ADGRV1: variants seen among roughly 807,000 people sequenced by gnomAD.
The protein encoded by ADGRV1 is adhesion G protein-coupled receptor V1, also known as G-protein coupled receptor 98.
ADGRV1 carries 359 observed loss-of-function variants against 596.2 expected under a neutral mutation model. The observed-to-expected ratio is 0.60, with a 90% CI of 0.55 to 0.66. The LOEUF (loss-of-function observed/expected upper bound fraction) is 0.66. ADGRV1 is among the 30% of genes least tolerant of loss of function. ADGRV1 has a pLI of 0.00. For synonymous variants in ADGRV1, 2,681 were observed against 2,679.2 expected (o/e 1.00, Z -0.02); for missense variants, 7,274 against 7,575.6 (o/e 0.96, Z 1.48).
chr5:90,993,555 G>A (rs975955987), intron 85 of ADGRV1, among the ~76,000 whole-genome samples: 1 of 152,020 alleles, frequency 6.6e-6, no homozygotes, highest in Non-Finnish European at 1.5e-5. Context: ...ACACATTTTT[G>A]GCTAGAATGA....
rs369156269 is a variant in ADGRV1, at chr5:90,840,660, C to T, written c.16694C>T (p.Thr5565Ile). 4.3e-6 allele frequency: 7 copies of T among 1,613,972 alleles called. No individual in the cohort carries two copies. The South Asian group carries it at 4.4e-5, about 10-fold the overall frequency. The change falls in exon 78 of 90, where the codon ACA (threonine) becomes ATA (isoleucine). Residue 5565 changes from threonine (T) to isoleucine (I), a missense_variant. Physicochemically the swap from Thr to Ile is moderately conservative, Grantham distance 89. Transcript: ENST00000405460. ...SGKDFVITEG[T>I]LVFEPGQRST... ...AAGGATTTTGTGATAACTGAAGGCA[C>T]ATTGGTCTTTGAACCTGGCCAGAGA...
intron 59 of ADGRV1, among the ~76,000 whole-genome samples, chr5:90,764,084 G>A (rs1756815343): frequency 6.6e-6 from 1 of 152,154 alleles, no homozygotes; most frequent in Non-Finnish European, 1.5e-5. Context: ...CTTGGGGAGT[G>A]ATAAGGGGGT....
chr5:91,068,894 C>G (rs1788127009), intron 85 of ADGRV1, among the ~76,000 whole-genome samples: 1 of 151,646 alleles, frequency 6.6e-6, no homozygotes, highest in African/African-American at 2.4e-5. Context: ...TTAAAATATA[C>G]TAAAAGGCTA....
rs140060028 is a variant in ADGRV1 at position 90,681,282 on chromosome 5, T to C, written c.5525-33T>C. On this transcript the variant is annotated intron_variant, in intron 26 of 89. Coordinates refer to ENST00000405460, the MANE Select transcript of ADGRV1 (RefSeq NM_032119.4). ...ATTTGTAAATTACTGATCATCATTT[T>C]TTTTTTCTATTTGTTGGAACTTGTT... 1.0e-3 allele frequency: 1,625 copies of C among 1,596,406 alleles called. 18 individuals carry two copies. The East Asian group carries it at 0.031, about 30-fold the overall frequency.
At chr5:91,092,182 C>G (rs985567958) in intron 86 of ADGRV1, among the ~76,000 whole-genome samples, 1 of 152,128 alleles carries the variant, frequency 6.6e-6, no homozygotes, top group African/African-American at 2.4e-5. Context: ...CTCACTGCAA[C>G]CTCTGCCTCC....
intron 83 of ADGRV1, among the ~76,000 whole-genome samples, chr5:90,912,049 T>C (rs1368937735): frequency 1.3e-5 from 2 of 152,040 alleles, no homozygotes; most frequent in Non-Finnish European, 2.9e-5. Context: ...GTCAATCTCA[T>C]GGAGTTGTTA....
intron 77 of ADGRV1, among the ~76,000 whole-genome samples, chr5:90,837,210 T>C (rs1765042775): frequency 6.6e-6 from 1 of 152,284 alleles, no homozygotes; most frequent in Non-Finnish European, 1.5e-5. Context: ...TTCAGTTAAA[T>C]AGACCTATAG....
intron 17 of ADGRV1, among the ~76,000 whole-genome samples, chr5:90,648,142 G>T (rs936180473): frequency 9.2e-5 from 14 of 152,300 alleles, no homozygotes; most frequent in Non-Finnish European, 1.9e-4. Context: ...TTGGAGCAGG[G>T]TGCTGGCACA....
chr5:91,113,727 T>A (rs1245028366), intron 87 of ADGRV1, among the ~76,000 whole-genome samples: 3 of 151,588 alleles, frequency 2.0e-5, no homozygotes, highest in African/African-American at 7.3e-5. Context: ...GAGACCAACC[T>A]GGCCAACATG....
chr5:90,978,844 G>A (rs550175110), intron 84 of ADGRV1, among the ~76,000 whole-genome samples: 25 of 152,132 alleles, frequency 1.6e-4, no homozygotes, highest in Admixed American at 5.2e-4. Context: ...TCAATAAAAT[G>A]TTTTAAATGC....
chr5:91,150,028 A>G lies in ADGRV1; in HGVS notation c.18433-2A>G. 7.8e-7 allele frequency: 1 copy of G among 1,286,808 alleles called. No individual in the cohort carries two copies. Among genetic ancestry groups the G allele is most frequent in the Non-Finnish European group, 9.9e-7 (1 of 1,007,858 alleles). The allele number at this position is 1,286,808 out of a possible 1,614,324, so 79.7% of individuals were successfully genotyped here. A position where few individuals can be genotyped will look rare whatever the true frequency, so the allele number is the denominator to read the frequency against. ...TCTTTTCTTTTTTTTTTTTTTTTGCAGGGACTTTATGTTTTCATGGTTTAT... is the reference window on the plus strand; with the variant it reads ...TCTTTTCTTTTTTTTTTTTTTTTGCGGGGACTTTATGTTTTCATGGTTTAT... On this transcript the variant is annotated splice_acceptor_variant, in intron 87 of 89. Transcript: ENST00000405460. LOFTEE classifies it high-confidence loss of function.
chr5:90,806,411 A>C (rs1561772147), intron 72 of ADGRV1, among the ~76,000 whole-genome samples: 1 of 152,062 alleles, frequency 6.6e-6, no homozygotes, highest in South Asian at 2.1e-4. Context: ...TCCTTTTGGC[A>C]TGTCCCCTAA....
At chr5:90,735,117 A>G (rs1753053233) in intron 50 of ADGRV1, among the ~76,000 whole-genome samples, 1 of 152,234 alleles carries the variant, frequency 6.6e-6, no homozygotes, top group African/African-American at 2.4e-5. Context: ...GATTAATGTC[A>G]TGGGGATATT....
At chr5:91,111,034 C>T (rs746209564) in intron 87 of ADGRV1, among the ~76,000 whole-genome samples, 88 of 152,284 alleles carry the variant, frequency 5.8e-4, no homozygotes, top group Admixed American at 1.5e-3. Flanking sequence ...CTTAAAGAGC[C>T]AGTTGGTTAA....
intron 83 of ADGRV1, among the ~76,000 whole-genome samples, chr5:90,891,908 C>T (rs951980299): frequency 4.6e-5 from 7 of 151,878 alleles, no homozygotes; most frequent in African/African-American, 9.7e-5. Context: ...CTAACATGGA[C>T]AAATTATATA....
At chr5:90,713,639 CT>C (rs1749692282) in intron 42 of ADGRV1, among the ~76,000 whole-genome samples, 2 of 152,014 alleles carry the variant, frequency 1.3e-5, no homozygotes, top group East Asian at 3.9e-4. Context: ...TTTTCTTTGC[CT>C]TTTGGAATAT....
chr5:90,669,618 T>A (rs1580676422), intron 21 of ADGRV1, among the ~76,000 whole-genome samples: 2 of 152,272 alleles, frequency 1.3e-5, no homozygotes, highest in South Asian at 2.1e-4. Flanking sequence ...TTGTGTGTTA[T>A]TGTGAAATGA....
chr5:91,120,461 T>C (rs1793213798), intron 87 of ADGRV1, among the ~76,000 whole-genome samples: 1 of 152,232 alleles, frequency 6.6e-6, no homozygotes, highest in South Asian at 2.1e-4. Context: ...CATTCCCTCA[T>C]AGTCCATGTG....
chr5:91,035,025 C>T (rs546499457), intron 85 of ADGRV1, among the ~76,000 whole-genome samples: 187 of 152,252 alleles, frequency 1.2e-3, no homozygotes, highest in South Asian at 6.0e-3. Flanking sequence ...TCCCAAAGTA[C>T]TGGGATTTCA....
Sources: allele counts gnomAD v4.1 joint callset (sites outside exome capture counted in the v4.1 genomes callset), GRCh38; gene constraint gnomAD v4.1.1; transcripts MANE v1.5; gene names NCBI Gene and HGNC (gene_info 2026-07-23, HGNC 2026-07-21).